The following MYO18B variants were observed in gnomAD, a reference collection of about 807,000 sequenced individuals.
The protein encoded by MYO18B is unconventional myosin-XVIIIb.
MYO18B carries 204 observed loss-of-function variants against 273.0 expected under a neutral mutation model. The ratio of observed to expected loss-of-function variants is 0.75; its 90% CI spans 0.67 to 0.84. The LOEUF is 0.84. Among genes scored for constraint, MYO18B ranks in the 40% least tolerant of loss-of-function variants. The probability of loss-of-function intolerance (pLI) is 0.00; values close to 1 mark genes in which losing one functional copy is unlikely to be tolerated. For synonymous variants in MYO18B, 1,330 were observed against 1,305.7 expected (o/e 1.02, Z -0.40); for missense variants, 3,212 against 3,287.6 (o/e 0.98, Z 0.56).
Position 25,835,309 on chromosome 22 carries a change from C to A in MYO18B, c.3074C>A (p.Ala1025Asp), listed in dbSNP as rs1191765990. 6.2e-7 allele frequency: 1 copy of A among 1,613,672 alleles called. No homozygotes were observed. Among genetic ancestry groups the A allele is most frequent in the Non-Finnish European group, 8.5e-7 (1 of 1,179,816 alleles). Residue 1025 changes from alanine to aspartate, a missense_variant, in exon 17 of 44, where the codon GCT (alanine) becomes GAT (aspartate). Ala to Asp is a moderately radical substitution (Grantham distance 126, BLOSUM62 -2). Transcript: ENST00000335473. ...DQNPSQVRLP[A>D]GGGAQDARGL... Reference sequence around the variant, plus strand: ...TTCTCCCAGCAGGTCCGCTTACCAGCTGGAGGAGGTGCCCAGGATGCCAGA... The same window carrying A: ...TTCTCCCAGCAGGTCCGCTTACCAGATGGAGGAGGTGCCCAGGATGCCAGA...
intron 20 of MYO18B, among the ~76,000 whole-genome samples, chr22:25,850,478 CAT>C (rs1052727338): frequency 1.3e-5 from 2 of 152,166 alleles, no homozygotes; most frequent in African/African-American, 4.8e-5. Flanking sequence ...AGGATGATAA[CAT>C]AGGCCCATGA....
intron 12 of MYO18B, among the ~76,000 whole-genome samples, chr22:25,804,309 G>A (rs1039749019): frequency 3.3e-5 from 5 of 152,138 alleles, no homozygotes; most frequent in African/African-American, 1.2e-4. Context: ...GCAAGCTAAG[G>A]CAGCCACAAA....
intron 34 of MYO18B, among the ~76,000 whole-genome samples, chr22:25,925,431 C>A: frequency 6.6e-6 from 1 of 152,110 alleles, no homozygotes; most frequent in South Asian, 2.1e-4. Flanking sequence ...GATCTTATTT[C>A]CCCCTATTTT....
intron 15 of MYO18B, among the ~76,000 whole-genome samples, chr22:25,829,536 A>G (rs1273764602): frequency 6.6e-6 from 1 of 151,850 alleles, no homozygotes; most frequent in Non-Finnish European, 1.5e-5. Context: ...AAAAAAAAAA[A>G]AGAGGTTAAG....
At chr22:25,753,240 G>T (rs2331154) in intron 1 of MYO18B, among the ~76,000 whole-genome samples, 1 of 151,904 alleles carries the variant, frequency 6.6e-6, no homozygotes, top group African/African-American at 2.4e-5. Flanking sequence ...GGCGGGTGTG[G>T]GGGGGGCGGG....
At chr22:25,876,518 T>C (rs1283509528) in intron 24 of MYO18B, among the ~76,000 whole-genome samples, 186 bp downstream of exon 24, 1 of 152,144 alleles carries the variant, frequency 6.6e-6, no homozygotes, top group Non-Finnish European at 1.5e-5. Flanking sequence ...CTCCATCCCA[T>C]GCCCAGCTCC....
At chr22:26,021,115 T>C (rs1326431008) in intron 42 of MYO18B, among the ~76,000 whole-genome samples, 1 of 152,134 alleles carries the variant, frequency 6.6e-6, no homozygotes, top group African/African-American at 2.4e-5. Context: ...AAAAAATACC[T>C]GGCTTGGAAT....
chr22:26,025,513 C>T (rs1353227495), intron 42 of MYO18B, among the ~76,000 whole-genome samples: 5 of 152,204 alleles, frequency 3.3e-5, no homozygotes, highest in East Asian at 1.9e-4. Context: ...GCGTGTGCAT[C>T]GCCCTCAGCA....
intron 21 of MYO18B, among the ~76,000 whole-genome samples, chr22:25,865,076 C>T (rs978561583): frequency 7.2e-5 from 11 of 152,234 alleles, no homozygotes; most frequent in African/African-American, 1.9e-4. Flanking sequence ...CTAATTGTAA[C>T]GTTAAATGGG....
chr22:25,994,531 T>A (rs1216281064), intron 40 of MYO18B, among the ~76,000 whole-genome samples: 1 of 151,916 alleles, frequency 6.6e-6, no homozygotes, highest in Non-Finnish European at 1.5e-5. Context: ...GACTTTGTCT[T>A]AAAAAAAATT....
At chr22:25,879,094 C>T (rs2091272768) in intron 25 of MYO18B, among the ~76,000 whole-genome samples, 1 of 152,196 alleles carries the variant, frequency 6.6e-6, no homozygotes, top group Non-Finnish European at 1.5e-5. Context: ...GGCTCACAGG[C>T]TAAATTCAGT....
intron 39 of MYO18B, among the ~76,000 whole-genome samples, chr22:25,984,877 T>C (rs1203469197): frequency 6.6e-6 from 1 of 152,000 alleles, no homozygotes; most frequent in Non-Finnish European, 1.5e-5. Context: ...AGCACTGGAA[T>C]GAAACACTTG....
rs532361004 is a variant in MYO18B at position 25,923,218 on chromosome 22, C to A, written c.5517+1809C>A. On this transcript the variant is annotated intron_variant, in intron 34 of 43. Coordinates refer to ENST00000335473, the MANE Select transcript of MYO18B (RefSeq NM_032608.7). ...ACCAGAAGACACTGGGAGGGCCCTT[C>A]CATCTTGAAAATTCTGCGACTCTTA... Among the ~76,000 whole-genome samples, 11 of 152,372 alleles carry A rather than the reference C, an allele frequency of 7.2e-5. No individual in the cohort carries two copies. In the South Asian group the frequency reaches 1.7e-3, roughly 23 times the overall value.
intron 17 of MYO18B, among the ~76,000 whole-genome samples, chr22:25,838,644 A>T (rs1426445067): frequency 1.3e-5 from 2 of 152,242 alleles, no homozygotes; most frequent in Non-Finnish European, 2.9e-5. Context: ...GTGTGGTCAC[A>T]TGCTGTACAG....
At chr22:25,796,485 A>T (rs989424237) in intron 11 of MYO18B, among the ~76,000 whole-genome samples, 1 of 151,982 alleles carries the variant, frequency 6.6e-6, no homozygotes, top group Non-Finnish European at 1.5e-5. Context: ...AGTCCCAGCC[A>T]CTTGGGAAGC....
At chr22:26,024,440 G>A (rs1311413684) in intron 42 of MYO18B, among the ~76,000 whole-genome samples, 1 of 152,128 alleles carries the variant, frequency 6.6e-6, no homozygotes, top group East Asian at 1.9e-4. Flanking sequence ...CCAGCGTCCT[G>A]GAGCAGCATG....
At chr22:25,876,413 C>T in intron 24 of MYO18B, 81 bp downstream of exon 24, 1 of 1,431,784 alleles carries the variant, frequency 7.0e-7, no homozygotes, top group Non-Finnish European at 9.3e-7. Context: ...CACCCTGTGC[C>T]CCTATTCCTG....
intron 28 of MYO18B, chr22:25,896,840 A>T (rs2091815836): frequency 6.6e-6 from 1 of 152,282 alleles, no homozygotes; most frequent in Non-Finnish European, 1.5e-5. Flanking sequence ...TCAAACTACC[A>T]TTGTGATGTC....
chr22:25,891,505 A>G, intron 27 of MYO18B, 93 bp downstream of exon 27: 1 of 799,292 alleles, frequency 1.3e-6, no homozygotes, highest in Non-Finnish European at 2.1e-6. Flanking sequence ...TTTAGGTGCT[A>G]GATATTGCAT....
Sources: gnomAD v4.1 joint callset for allele counts (sites outside exome capture counted in the v4.1 genomes callset) on GRCh38, gnomAD v4.1.1 for gene constraint, MANE v1.5 for transcripts, NCBI Gene and HGNC (gene_info 2026-07-23, HGNC 2026-07-21) for gene names.